Variants in MTCL2 observed in about 807,000 individuals in gnomAD.
MTCL2 encodes the protein microtubule cross-linking factor 2.
At chr20:36,778,418 G>A in the MTCL2 span, 3 of 152,240 alleles carry the variant, frequency 2.0e-5, no homozygotes, top group South Asian at 2.1e-4. Context: ...TCTTGGGTGG[G>A]GCTGCTAATC....
the MTCL2 span, among the ~76,000 whole-genome samples, chr20:36,841,874 G>GGGGTGTGTGTGT: frequency 2.5e-3 from 277 of 110,848 alleles, no homozygotes; most frequent in African/African-American, 6.4e-3. Flanking sequence ...TGGGGGGTGG[G>GGGGTGTGTGTGT]GTGTGTGTGT....
chr20:36,849,712 G>A, the MTCL2 span, among the ~76,000 whole-genome samples: 4 of 152,144 alleles, frequency 2.6e-5, no homozygotes, highest in South Asian at 2.1e-4. Flanking sequence ...AGAAACCCAC[G>A]CAGATATAAA....
chr20:36,794,617 G>A, the MTCL2 span: 1 of 1,613,970 alleles, frequency 6.2e-7, no homozygotes, highest in East Asian at 2.2e-5. This position sits in a 1 kb window ranked among gnomAD's most constrained non-coding sequence, Gnocchi z 5.4. Context: ...GGACAGAGGA[G>A]GAAACGTCGT....
At chr20:36,829,219 A>T in the MTCL2 span, 2 of 1,603,440 alleles carry the variant, frequency 1.2e-6, no homozygotes, top group Admixed American at 1.7e-5. Context: ...AGACCTGTGC[A>T]GGGGTGGGAG....
At chr20:36,834,193 G>A in the MTCL2 span, among the ~76,000 whole-genome samples, 1 of 150,858 alleles carries the variant, frequency 6.6e-6, no homozygotes, top group African/African-American at 2.4e-5. Flanking sequence ...AAAAGGAAGA[G>A]CATCCCCTGG....
At chr20:36,833,697 TA>T in the MTCL2 span, among the ~76,000 whole-genome samples, 1 of 152,098 alleles carries the variant, frequency 6.6e-6, no homozygotes, top group South Asian at 2.1e-4. Context: ...AAAAACTTTT[TA>T]AAATTAGCAG....
chr20:36,859,888 T>C, the MTCL2 span: 1 of 1,231,358 alleles, frequency 8.1e-7, no homozygotes, highest in Non-Finnish European at 1.0e-6. Context: ...GTCTAACACA[T>C]GCTTACTCCA....
the MTCL2 span, among the ~76,000 whole-genome samples, chr20:36,797,116 C>T: frequency 5.3e-5 from 8 of 152,208 alleles, no homozygotes; most frequent in Non-Finnish European, 1.0e-4. Flanking sequence ...GCCCTGCATC[C>T]AACTCCCCCA....
the MTCL2 span, among the ~76,000 whole-genome samples, chr20:36,810,717 C>CCTCTCTCTCTCTCTCTCTCTCT: frequency 8.5e-4 from 80 of 94,248 alleles, 3 homozygotes; most frequent in East Asian, 1.9e-3. Flanking sequence ...TCTCTCTCTC[C>CCTCTCTCTCTCTCTCTCTCTCT]CTCTCTCTCT....
the MTCL2 span, among the ~76,000 whole-genome samples, chr20:36,836,226 G>T: frequency 6.6e-6 from 1 of 151,834 alleles, no homozygotes; most frequent in African/African-American, 2.4e-5. Context: ...CCAGGCTGGA[G>T]TGCAGTGCTG....
chr20:36,816,322 A>T, the MTCL2 span: 2 of 1,549,314 alleles, frequency 1.3e-6, no homozygotes, highest in Non-Finnish European at 1.7e-6. Flanking sequence ...GACCACAGAG[A>T]CAGACACAAC....
chr20:36,800,202 G>C, the MTCL2 span, among the ~76,000 whole-genome samples: 2 of 152,238 alleles, frequency 1.3e-5, no homozygotes, highest in East Asian at 3.8e-4. Flanking sequence ...GTGCCCTGAT[G>C]AGCTGACAAG....
chr20:36,861,101 G>A, the MTCL2 span, among the ~76,000 whole-genome samples: 8 of 152,160 alleles, frequency 5.3e-5, no homozygotes, highest in East Asian at 1.9e-4. Context: ...AGCAGGAACC[G>A]GGAGGCAGGG....
At chr20:36,815,378 C>T in the MTCL2 span, 4 of 1,613,440 alleles carry the variant, frequency 2.5e-6, no homozygotes, top group African/African-American at 1.3e-5. This position sits in a 1 kb window ranked among gnomAD's most constrained non-coding sequence, Gnocchi z 5.3. Context: ...AGTCAGCACA[C>T]TCGTTGTCCA....
the MTCL2 span, among the ~76,000 whole-genome samples, chr20:36,850,528 CA>C: frequency 2.3e-4 from 31 of 136,540 alleles, no homozygotes; most frequent in South Asian, 2.2e-3. Flanking sequence ...TGTGTTTGAC[CA>C]AAAAAAAAAG....
the MTCL2 span, among the ~76,000 whole-genome samples, chr20:36,813,948 C>G: frequency 1.3e-5 from 2 of 152,126 alleles, no homozygotes; most frequent in East Asian, 3.9e-4. Context: ...CGCCTCTGAT[C>G]TGAGCTGTGT....
the MTCL2 span, chr20:36,817,487 T>TAAAAA: frequency 1.5e-6 from 2 of 1,331,798 alleles, no homozygotes; most frequent in African/African-American, 1.7e-5. Flanking sequence ...GAGATTTAAT[T>TAAAAA]AAAAAAAAAA....
chr20:36,794,723 T>C, the MTCL2 span: 1 of 1,261,894 alleles, frequency 7.9e-7, no homozygotes, highest in South Asian at 1.3e-5. The surrounding 1 kb of genome is among the most constrained non-coding windows in gnomAD (Gnocchi z 5.4). Flanking sequence ...GTTCACCTCT[T>C]GTAGAGATGT....
At chr20:36,863,479 CG>C in the MTCL2 span, 8 of 581,926 alleles carry the variant, frequency 1.4e-5, no homozygotes, top group Non-Finnish European at 1.8e-5. The surrounding 1 kb of genome is among the most constrained non-coding windows in gnomAD (Gnocchi z 6.2). Flanking sequence ...GCCCCGACAC[CG>C]CGTCCCCGTC....
Sources: allele counts gnomAD v4.1 joint callset (sites outside exome capture counted in the v4.1 genomes callset), GRCh38; gene constraint gnomAD v4.1.1; non-coding constraint Gnocchi (gnomAD v3.1); transcripts MANE v1.5; gene names NCBI Gene and HGNC (gene_info 2026-07-23, HGNC 2026-07-21).